NAALADL2: variants seen among roughly 807,000 people sequenced by gnomAD.
NAALADL2 encodes the protein N-acetylated alpha-linked acidic dipeptidase like 2.
In NAALADL2, 76 loss-of-function variants were observed where a neutral mutation model predicts 87.2. The ratio of observed to expected loss-of-function variants is 0.87; its 90% CI spans 0.72 to 1.05. The LOEUF (loss-of-function observed/expected upper bound fraction) is 1.05, where lower values mean the gene tolerates loss of function less well. Ranked by LOEUF, NAALADL2 falls within the 50% of genes least tolerant of loss-of-function variation. The pLI is 0.00. For synonymous variants in NAALADL2, 354 were observed against 331.0 expected, an observed-to-expected ratio of 1.07 and a Z score of -0.75; for missense variants, 1,089 against 945.8, an observed-to-expected ratio of 1.15 and a Z score of -1.99.
intron 2 of NAALADL2, among the ~76,000 whole-genome samples, chr3:174,720,796 A>G (rs1731643280): frequency 1.3e-5 from 2 of 152,350 alleles, no homozygotes; most frequent in South Asian, 4.1e-4. Flanking sequence ...CAGTTTGGGT[A>G]TCCTTTGGTT....
intron 9 of NAALADL2, among the ~76,000 whole-genome samples, chr3:175,530,947 G>A (rs1482255380): frequency 6.6e-6 from 1 of 152,134 alleles, no homozygotes. Flanking sequence ...CTCAAAAGGA[G>A]AGTAGTTATC....
At chr3:175,337,947 C>T (rs1762164131) in intron 5 of NAALADL2, among the ~76,000 whole-genome samples, 1 of 152,168 alleles carries the variant, frequency 6.6e-6, no homozygotes, top group African/African-American at 2.4e-5. Flanking sequence ...AAGAGCCTAG[C>T]AAACTACGAT....
chr3:175,350,961 A>G (rs925532366), intron 5 of NAALADL2, among the ~76,000 whole-genome samples: 1 of 152,180 alleles, frequency 6.6e-6, no homozygotes, highest in Non-Finnish European at 1.5e-5. Flanking sequence ...AAAAACAGAA[A>G]TAGATGATTT....
chr3:174,546,695 T>C (rs887580031), intron 1 of NAALADL2, among the ~76,000 whole-genome samples: 2 of 152,224 alleles, frequency 1.3e-5, no homozygotes, highest in Non-Finnish European at 2.9e-5. Flanking sequence ...TTTTGCTCTG[T>C]TGTTCATGCT....
In NAALADL2 at chr3:175,255,170, TA is replaced by T. The variant is rs1487229466; in HGVS notation, c.820-1240del. ...CAACAGATAAATAAAATTCATCAGG[TA>T]GGTGACATTTGAAATGAACGTTAAT... On this transcript the variant is annotated intron_variant, in intron 3 of 13. Coordinates refer to ENST00000454872, the MANE Select transcript of NAALADL2 (RefSeq NM_207015.3). Among the ~76,000 whole-genome samples the T allele has an allele frequency of 1.3e-5, 2 of 152,116 alleles. 1 individual carries two copies. The highest frequency in any genetic ancestry group is 4.1e-4 in the South Asian group (2 of 4,828).
intron 5 of NAALADL2, among the ~76,000 whole-genome samples, chr3:175,407,494 TTACCTTCATGATGTTTCCCTACTAC>T (rs1175514828): frequency 6.6e-6 from 1 of 152,208 alleles, no homozygotes; most frequent in East Asian, 1.9e-4. Context: ...TCAATGTGTA[TTACCTTCATGATGTTTCCCTACTAC>T]TACCCAGGGA....
intron 4 of NAALADL2, among the ~76,000 whole-genome samples, chr3:175,276,125 TAAG>T (rs1753553469): frequency 1.5e-5 from 2 of 132,502 alleles, no homozygotes; most frequent in African/African-American, 2.9e-5. Flanking sequence ...TAAGTATACA[TAAG>T]AACATCATGA....
chr3:175,134,628 G>A (rs907068107), intron 2 of NAALADL2, among the ~76,000 whole-genome samples: 1 of 152,106 alleles, frequency 6.6e-6, no homozygotes, highest in Admixed American at 6.6e-5. Context: ...TATAGATGCT[G>A]TCTCCATTTT....
intron 3 of NAALADL2, among the ~76,000 whole-genome samples, chr3:174,763,097 T>C (rs2109078843): frequency 6.6e-6 from 1 of 152,066 alleles, no homozygotes; most frequent in South Asian, 2.1e-4. Context: ...CCACATTGGA[T>C]CCTATTATGA....
At chr3:175,485,204 C>T (rs2149329601) in intron 9 of NAALADL2, among the ~76,000 whole-genome samples, 1 of 152,138 alleles carries the variant, frequency 6.6e-6, no homozygotes, top group African/African-American at 2.4e-5. Flanking sequence ...CCACAAAATT[C>T]AAATGTTAAA....
intron 10 of NAALADL2, among the ~76,000 whole-genome samples, chr3:175,616,465 A>AT (rs1725367346): frequency 6.6e-6 from 1 of 151,952 alleles, no homozygotes; most frequent in Non-Finnish European, 1.5e-5. Flanking sequence ...CTTACATCTC[A>AT]TTTTTTTGCT....
chr3:175,615,530 A>G (rs1048880591), intron 10 of NAALADL2, among the ~76,000 whole-genome samples: 5 of 152,178 alleles, frequency 3.3e-5, no homozygotes, highest in African/African-American at 1.2e-4. Flanking sequence ...CATAAAGCAA[A>G]TATTCAATAA....
rs117717285 is a variant in NAALADL2 at position 175,046,347 on chromosome 3, A to T, written c.44-50443A>T. Among the ~76,000 whole-genome samples the T allele has an allele frequency of 6.6e-4, 101 of 152,190 alleles. 2 individuals are homozygous for T. The East Asian group carries it at 0.019, about 29-fold the overall frequency. The stretch of plus-strand genomic sequence containing the variant: ...TGGGCAGCTATTTTGACTATCAGGG[A>T]TTTATTACCTTTGTTTCCTCAGGAA... On this transcript the variant is annotated intron_variant, in intron 1 of 13. Coordinates refer to ENST00000454872, the MANE Select transcript of NAALADL2 (RefSeq NM_207015.3).
chr3:174,855,729 A>T (rs73047995), upstream of NAALADL2, among the ~76,000 whole-genome samples: 1 of 149,524 alleles, frequency 6.7e-6, no homozygotes, highest in African/African-American at 2.5e-5. Context: ...GAACTTGATG[A>T]CTACTTTTAA....
At chr3:175,087,014 AT>A (rs1365712865) in intron 1 of NAALADL2, among the ~76,000 whole-genome samples, 1 of 152,062 alleles carries the variant, frequency 6.6e-6, no homozygotes, top group East Asian at 1.9e-4. Context: ...ATAAAATTCT[AT>A]TTTTTTATAT....
chr3:175,524,218 G>C (rs1237865318), intron 9 of NAALADL2, among the ~76,000 whole-genome samples: 1 of 151,976 alleles, frequency 6.6e-6, no homozygotes, highest in African/African-American at 2.4e-5. Context: ...TTTTGGTTTT[G>C]GTCTTTAGGA....
At chr3:174,846,522 TAA>T (rs1337835910) in intron 3 of NAALADL2, among the ~76,000 whole-genome samples, 5 of 152,192 alleles carry the variant, frequency 3.3e-5, no homozygotes, top group African/African-American at 1.2e-4. Context: ...ATAAGAGAAT[TAA>T]AAGTTTAGTT....
At chr3:175,264,453 C>G (rs1204875182) in intron 4 of NAALADL2, among the ~76,000 whole-genome samples, 1 of 151,650 alleles carries the variant, frequency 6.6e-6, no homozygotes, top group Non-Finnish European at 1.5e-5. Flanking sequence ...ACATGCAAAC[C>G]TAAACTGAAG....
At chr3:175,449,406 T>TC (rs1721201606) in intron 6 of NAALADL2, among the ~76,000 whole-genome samples, 1 of 148,800 alleles carries the variant, frequency 6.7e-6, no homozygotes, top group African/African-American at 2.5e-5. Context: ...TTTTTTTTTT[T>TC]TTTTTTTGAG....
Sources: gnomAD v4.1 joint callset for allele counts (sites outside exome capture counted in the v4.1 genomes callset) on GRCh38, gnomAD v4.1.1 for gene constraint, MANE v1.5 for transcripts, NCBI Gene and HGNC (gene_info 2026-07-23, HGNC 2026-07-21) for gene names.